Variants in CACNA1D observed in about 807,000 individuals in gnomAD.
The protein encoded by CACNA1D is calcium voltage-gated channel subunit alpha1 D.
A neutral mutation model predicts 257.1 loss-of-function variants in CACNA1D; 55 were observed. The ratio of observed to expected loss-of-function variants is 0.21; its 90% CI spans 0.17 to 0.27. The LOEUF (loss-of-function observed/expected upper bound fraction) is 0.27, where lower values mean the gene tolerates loss of function less well. CACNA1D is among the 10% of genes least tolerant of loss of function. The probability of loss-of-function intolerance (pLI) is 1.00; values close to 1 mark genes in which losing one functional copy is unlikely to be tolerated. For synonymous variants in CACNA1D, 980 were observed against 1,014.9 expected, an observed-to-expected ratio of 0.97 and a Z score of 0.65; for missense variants, 1,876 against 2,784.0, an observed-to-expected ratio of 0.67 and a Z score of 7.34.
At chr3:53,566,690 C>T (rs1055490658) in intron 3 of CACNA1D, among the ~76,000 whole-genome samples, 4 of 152,206 alleles carry the variant, frequency 2.6e-5, no homozygotes, top group African/African-American at 9.6e-5. Context: ...AAGCTGTTGG[C>T]TGAAAGGAGG....
chr3:53,770,364 C>A (rs1245346335), intron 31 of CACNA1D, 60 bp from the exon 32 acceptor site: 8 of 1,544,994 alleles, frequency 5.2e-6, no homozygotes, highest in Non-Finnish European at 7.2e-6. Flanking sequence ...TGCTGTTTTT[C>A]TGAAAGTGTT....
rs916252888 is a variant in CACNA1D, at chr3:53,673,679, G to C, written c.1220+553G>C. On this transcript the variant is annotated intron_variant, in intron 8 of 47. Coordinates refer to ENST00000350061, the MANE Select transcript of CACNA1D (RefSeq NM_001128840.3). This position sits in a 1 kb window ranked among gnomAD's most constrained non-coding sequence, Gnocchi z 4.1. ...CTGGGGCTCTGCTCTTTAGTAAATG[G>C]ATAACTGATAACTGATCTCCTTACA... The C allele has an allele frequency of 4.0e-6, 6 of 1,485,784 alleles. No individual in the cohort carries two copies. In the African/African-American group the frequency reaches 5.5e-5, roughly 14 times the overall value. The allele number at this position is 1,485,784 out of a possible 1,614,324, so 92.0% of individuals were successfully genotyped here. A position where few individuals can be genotyped will look rare whatever the true frequency, so the allele number is the denominator to read the frequency against.
chr3:53,579,597 A>G (rs1450740185), intron 3 of CACNA1D, among the ~76,000 whole-genome samples: 2 of 152,240 alleles, frequency 1.3e-5, no homozygotes, highest in African/African-American at 4.8e-5. Flanking sequence ...TCTTGTTCAC[A>G]TAGAAATGAA....
chr3:53,801,082 C>T lies in CACNA1D; in HGVS notation c.5065C>T (p.His1689Tyr). The T allele has an allele frequency of 6.2e-7, 1 of 1,613,820 alleles. No individual in the cohort carries two copies. The highest frequency in any genetic ancestry group is 8.5e-7 in the Non-Finnish European group (1 of 1,179,786). The change falls in exon 42 of 48, where the codon CAT becomes TAT. Residue 1689 changes from histidine (H) to tyrosine (Y), a missense_variant. Transcript: ENST00000350061. The stretch of plus-strand genomic sequence containing the variant: ...GAGAAATGGTGCCCTGCTTGGAAAC[C>T]ATGTCAATCATGTTAATAGTGATAG... ...FKRNGALLGN[H>Y]VNHVNSDRRD...
In CACNA1D at chr3:53,813,536, T is replaced by C. The variant is rs1432441655; in HGVS notation, c.*2130T>C. On this transcript the variant is annotated 3_prime_UTR_variant, in exon 48 of 48. Transcript: ENST00000350061. The stretch of plus-strand genomic sequence containing the variant: ...AACATTATCCTGGACTCTGTGTCTC[T>C]CTCTGTTGGGTCTTGTGGCATCACA... 5 of 152,370 alleles carry C rather than the reference T, an allele frequency of 3.3e-5. No individual in the cohort carries two copies. The highest frequency in any genetic ancestry group is 1.2e-4 in the African/African-American group (5 of 41,590). 9.4% of individuals were successfully genotyped at this position (152,370 alleles called of 1,614,324 possible). A position where few individuals can be genotyped will look rare whatever the true frequency, so the allele number is the denominator to read the frequency against.
In CACNA1D at chr3:53,494,679, T is replaced by A; in HGVS notation, c.-488T>A. On this transcript the variant is annotated 5_prime_UTR_variant, in exon 1 of 48. The change abolishes an upstream ATG in the 5' untranslated region. Coordinates refer to ENST00000350061, the MANE Select transcript of CACNA1D (RefSeq NM_001128840.3). ...GCGGGCGAGCGCCTCCGTCCCCGGA[T>A]GTGAGCTCCGGCTGCCCGCGGTCCC... 1 of 144,210 alleles carries A rather than the reference T, an allele frequency of 6.9e-6. No individual in the cohort carries two copies. Among genetic ancestry groups the A allele is most frequent in the African/African-American group, 2.5e-5 (1 of 40,034 alleles). 8.9% of individuals were successfully genotyped at this position (144,210 alleles called of 1,614,324 possible). A position where few individuals can be genotyped will look rare whatever the true frequency, so the allele number is the denominator to read the frequency against.
At chr3:53,598,727 T>G (rs753483200) in intron 3 of CACNA1D, among the ~76,000 whole-genome samples, 8 of 152,204 alleles carry the variant, frequency 5.3e-5, no homozygotes, top group Non-Finnish European at 8.8e-5. Context: ...AATTACATAG[T>G]CAACCCCTGG....
chr3:53,673,974 T>A lies in CACNA1D; in HGVS notation c.1220+848T>A. 1 of 701,428 alleles carries A rather than the reference T, an allele frequency of 1.4e-6. No homozygotes were observed. Among genetic ancestry groups the A allele is most frequent in the South Asian group, 1.5e-5 (1 of 65,976 alleles). The allele number at this position is 701,428 out of a possible 1,614,324, so 43.5% of individuals were successfully genotyped here. A position where few individuals can be genotyped will look rare whatever the true frequency, so the allele number is the denominator to read the frequency against. On this transcript the variant is annotated intron_variant, in intron 8 of 47. Coordinates refer to ENST00000350061, the MANE Select transcript of CACNA1D (RefSeq NM_001128840.3). This position sits in a 1 kb window ranked among gnomAD's most constrained non-coding sequence, Gnocchi z 4.1. ...GGATTGAACTGTGATTCTTTCTGCC[T>A]GTATCTGTCTGTGAGATTCCGTGTT...
intron 3 of CACNA1D, among the ~76,000 whole-genome samples, chr3:53,636,143 G>A (rs2093880991): frequency 6.6e-6 from 1 of 152,162 alleles, no homozygotes; most frequent in South Asian, 2.1e-4. Context: ...GAGAGCAAGA[G>A]TTACTATTTA....
chr3:53,558,995 C>T (rs1281048138), intron 3 of CACNA1D, among the ~76,000 whole-genome samples: 1 of 152,020 alleles, frequency 6.6e-6, no homozygotes, highest in Non-Finnish European at 1.5e-5. Context: ...AACTCTAGTT[C>T]CAGTATTTTA....
intron 3 of CACNA1D, among the ~76,000 whole-genome samples, chr3:53,577,557 G>A (rs2093059221): frequency 6.6e-6 from 1 of 152,184 alleles, no homozygotes; most frequent in African/African-American, 2.4e-5. Flanking sequence ...TTGCGGCCAA[G>A]GGAGGAGAGT....
At chr3:53,514,859 T>C (rs1575723987) in intron 3 of CACNA1D, among the ~76,000 whole-genome samples, 2 of 152,318 alleles carry the variant, frequency 1.3e-5, no homozygotes, top group African/African-American at 4.8e-5. Context: ...AAAGCCATTT[T>C]TTTAGGTGTT....
Position 53,666,538 on chromosome 3 carries a change from A to G in CACNA1D, c.1116+3A>G. The G allele has an allele frequency of 6.2e-7, 1 of 1,610,324 alleles. No homozygotes were observed. Among genetic ancestry groups the G allele is most frequent in the Non-Finnish European group, 8.5e-7 (1 of 1,176,512 alleles). ...GCTGGACAGATGTGCTCTACTGGGT[A>G]AGTACCCTGGGGAGAGAGTTTATGG... On this transcript the variant is annotated splice_donor_region_variant and intron_variant, in intron 7 of 47. Transcript: ENST00000350061.
At chr3:53,558,934 T>A (rs1048476470) in intron 3 of CACNA1D, among the ~76,000 whole-genome samples, 1 of 152,190 alleles carries the variant, frequency 6.6e-6, no homozygotes, top group Non-Finnish European at 1.5e-5. Context: ...TTTCAGCCAG[T>A]ATTTCTTCAA....
At chr3:53,721,194 C>A (rs2094879471) in intron 11 of CACNA1D, among the ~76,000 whole-genome samples, 1 of 152,190 alleles carries the variant, frequency 6.6e-6, no homozygotes, top group Non-Finnish European at 1.5e-5. Context: ...TTGGAACCTG[C>A]ACAGCAAGAG....
chr3:53,601,150 T>A (rs1407897745), intron 3 of CACNA1D, among the ~76,000 whole-genome samples: 1 of 152,180 alleles, frequency 6.6e-6, no homozygotes, highest in Non-Finnish European at 1.5e-5. Flanking sequence ...GGTGCCACTT[T>A]CAGGCTGTGT....
chr3:53,777,614 C>T (rs575420625), intron 37 of CACNA1D, among the ~76,000 whole-genome samples: 4 of 152,156 alleles, frequency 2.6e-5, no homozygotes, highest in Non-Finnish European at 5.9e-5. Context: ...CATCTCCCAG[C>T]CTCGGCATTG....
In CACNA1D at chr3:53,718,731, C is replaced by G. The variant is rs370024486; in HGVS notation, c.1478+343C>G. On this transcript the variant is annotated intron_variant, in intron 10 of 47. Coordinates refer to ENST00000350061, the MANE Select transcript of CACNA1D (RefSeq NM_001128840.3). ...GGCCAAGGCGGGGCCCTCTGGGTGT[C>G]GGCGGTGGGGGTAAAGGCCTGATTC... The G allele has an allele frequency of 9.0e-6, 14 of 1,556,432 alleles. No homozygotes were observed. Among genetic ancestry groups the G allele is most frequent in the Non-Finnish European group, 1.2e-5 (14 of 1,150,474 alleles).
intron 7 of CACNA1D, among the ~76,000 whole-genome samples, chr3:53,670,458 C>T (rs530069422): frequency 6.6e-6 from 1 of 152,224 alleles, no homozygotes; most frequent in East Asian, 1.9e-4. Flanking sequence ...GATTCTCGTG[C>T]CTCAGCCTCC....
Sources: allele counts gnomAD v4.1 joint callset (sites outside exome capture counted in the v4.1 genomes callset), GRCh38; gene constraint gnomAD v4.1.1; non-coding constraint Gnocchi (gnomAD v3.1); transcripts MANE v1.5; gene names NCBI Gene and HGNC (gene_info 2026-07-23, HGNC 2026-07-21).